RNF216: variants seen among roughly 807,000 people sequenced by gnomAD.
RNF216 encodes E3 ubiquitin-protein ligase RNF216.
Under a neutral mutation model 110.8 loss-of-function variants are expected in RNF216, and 72 were observed. That is an observed-to-expected ratio of 0.65 (90% CI 0.54 to 0.79). The LOEUF (loss-of-function observed/expected upper bound fraction) is 0.79, where lower values mean the gene tolerates loss of function less well. RNF216 is among the 30% of genes least tolerant of loss of function. The pLI is 0.00. For missense variants in RNF216, 1,342 were observed against 1,141.2 expected (o/e 1.18, Z -2.54); for synonymous variants, 495 against 407.5 (o/e 1.21, Z -2.59).
At chr7:5,728,763 C>A (rs1308247150) in intron 7 of RNF216, among the ~76,000 whole-genome samples, 2 of 152,136 alleles carry the variant, frequency 1.3e-5, no homozygotes, top group Non-Finnish European at 2.9e-5. Context: ...TGCTGAGAAT[C>A]ACAAGAATTT....
At chr7:5,654,287 A>C (rs1788592550) in intron 13 of RNF216, among the ~76,000 whole-genome samples, 1 of 152,066 alleles carries the variant, frequency 6.6e-6, no homozygotes, top group African/African-American at 2.4e-5. Flanking sequence ...TTTATACTAT[A>C]TGTGTACTAT....
chr7:5,632,249 G>C (rs765163007), intron 15 of RNF216, among the ~76,000 whole-genome samples: 3 of 152,246 alleles, frequency 2.0e-5, no homozygotes, highest in Non-Finnish European at 2.9e-5. Flanking sequence ...ACAGATCCAT[G>C]ACAGACCATG....
intron 15 of RNF216, among the ~76,000 whole-genome samples, chr7:5,635,709 G>A (rs2128562510): frequency 6.6e-6 from 1 of 152,314 alleles, no homozygotes; most frequent in East Asian, 1.9e-4. Context: ...GGAAACCCAG[G>A]CTACCATTTA....
At chr7:5,686,272 C>G (rs372706082) in intron 13 of RNF216, among the ~76,000 whole-genome samples, 2 of 148,426 alleles carry the variant, frequency 1.3e-5, no homozygotes. Flanking sequence ...TCCAAACTCT[C>G]AAGAACACCA....
At chr7:5,642,245 C>T (rs1216383715) in intron 14 of RNF216, among the ~76,000 whole-genome samples, 7 of 150,156 alleles carry the variant, frequency 4.7e-5, no homozygotes, top group Non-Finnish European at 7.4e-5. Flanking sequence ...CAGAGTCTTG[C>T]TCTGTCACCT....
intron 5 of RNF216, among the ~76,000 whole-genome samples, chr7:5,732,760 C>G (rs1350664689): frequency 6.6e-6 from 1 of 152,208 alleles, no homozygotes; most frequent in African/African-American, 2.4e-5. Flanking sequence ...AGTGGGGAAG[C>G]CTGTCGGACT....
chr7:5,748,902 G>A (rs1355234952), intron 3 of RNF216, among the ~76,000 whole-genome samples: 1 of 152,038 alleles, frequency 6.6e-6, no homozygotes, highest in Non-Finnish European at 1.5e-5. Flanking sequence ...GAATTTTAAC[G>A]AAGGCTATAA....
intron 2 of RNF216, among the ~76,000 whole-genome samples, chr7:5,755,294 G>C (rs1795576536): frequency 6.6e-6 from 1 of 152,046 alleles, no homozygotes; most frequent in Non-Finnish European, 1.5e-5. Flanking sequence ...ATAAAGTCCA[G>C]TGTTTGACAA....
chr7:5,770,677 A>C (rs756536259), intron 1 of RNF216, among the ~76,000 whole-genome samples: 3 of 152,174 alleles, frequency 2.0e-5, no homozygotes, highest in African/African-American at 7.2e-5. Flanking sequence ...CAAAGCATTC[A>C]TGGAGAAAAA....
At chr7:5,742,595 T>C (rs1409308754) in intron 3 of RNF216, among the ~76,000 whole-genome samples, 3 of 130,800 alleles carry the variant, frequency 2.3e-5, no homozygotes, top group African/African-American at 9.5e-5. Flanking sequence ...TCTTTTTTTT[T>C]TTTTTTTTTT....
chr7:5,689,376 A>AG (rs1304216388), intron 13 of RNF216, among the ~76,000 whole-genome samples: 7 of 151,802 alleles, frequency 4.6e-5, no homozygotes, highest in Non-Finnish European at 1.0e-4. Context: ...AAAAAAAAAA[A>AG]AAAGAAAGAA....
intron 13 of RNF216, among the ~76,000 whole-genome samples, chr7:5,682,834 C>T (rs1790746958): frequency 6.6e-6 from 1 of 152,110 alleles, no homozygotes; most frequent in South Asian, 2.1e-4. Context: ...ATCAAGAGTC[C>T]TACTCTAGGG....
At position 5,622,994 on chromosome 7, in the gene RNF216, T is replaced by C. The variant is rs757045404; in HGVS notation, c.2638A>G (p.Met880Val). 1.9e-6 allele frequency: 3 copies of C among 1,613,910 alleles called. No homozygotes were observed. The highest frequency in any genetic ancestry group is 2.5e-6 in the Non-Finnish European group (3 of 1,179,956). Residue 880 changes from methionine to valine, a missense_variant, in exon 17 of 17, where the codon ATG (methionine) becomes GTG (valine). Physicochemically the swap from Met to Val is conservative, Grantham distance 21. Coordinates refer to ENST00000389902, the MANE Select transcript of RNF216 (RefSeq NM_207111.4). ...RPVFNNFPLN[M>V]GPIPAPYVPP... The stretch of plus-strand genomic sequence containing the variant: ...ACGTACGGGGCTGGGATAGGCCCCA[T>C]GTTGAGTGGGAAGTTGTTGAACACA...
At chr7:5,644,433 G>A (rs931177903) in intron 14 of RNF216, among the ~76,000 whole-genome samples, 6 of 152,260 alleles carry the variant, frequency 3.9e-5, no homozygotes, top group African/African-American at 1.2e-4. Flanking sequence ...AATGACTAAT[G>A]ACGTTCAGCA....
At chr7:5,726,832 T>C (rs1210791129) in intron 7 of RNF216, among the ~76,000 whole-genome samples, 2 of 149,514 alleles carry the variant, frequency 1.3e-5, no homozygotes, top group East Asian at 3.9e-4. Context: ...CACTCCAGCC[T>C]AGGCGACAGA....
chr7:5,645,773 T>C (rs1788013807), intron 14 of RNF216, among the ~76,000 whole-genome samples: 2 of 152,102 alleles, frequency 1.3e-5, no homozygotes, highest in South Asian at 4.2e-4. Context: ...GTGTTTTTAG[T>C]AGAGAAAGGT....
intron 5 of RNF216, among the ~76,000 whole-genome samples, chr7:5,737,981 A>G (rs1237801654): frequency 6.6e-6 from 1 of 151,408 alleles, no homozygotes. Flanking sequence ...CCAGCTACTC[A>G]GGAGACTGAG....
In RNF216 at chr7:5,772,841, G is replaced by A. The variant is rs144208347; in HGVS notation, c.-70+8700C>T. On this transcript the variant is annotated intron_variant, in intron 1 of 16. Transcript: ENST00000389902. ...CATCCAGGCTAGAGTGCAATGGCACGATCTCGGCTCACTGCAACCCTCTGC... is the reference window on the plus strand; with the variant it reads ...CATCCAGGCTAGAGTGCAATGGCACAATCTCGGCTCACTGCAACCCTCTGC... 4.9e-3 allele frequency among the ~76,000 whole-genome samples: 716 copies of A among 147,224 alleles called. 8 individuals carry two copies. The highest frequency in any genetic ancestry group is 0.015 in the African/African-American group (577 of 39,734).
chr7:5,715,550 T>C lies in RNF216; in HGVS notation c.1696-360A>G, dbSNP rs75165128. On this transcript the variant is annotated intron_variant, in intron 10 of 16. Coordinates refer to ENST00000389902, the MANE Select transcript of RNF216 (RefSeq NM_207111.4). ...GCAAGGATAAGGAGTATGAGAGATG[T>C]TACCCAAAAAACTTTCAAAAGTTGA... Among the ~76,000 whole-genome samples the C allele has an allele frequency of 3.4e-3, 520 of 152,032 alleles. 2 individuals are homozygous for C. The highest frequency in any genetic ancestry group is 0.012 in the African/African-American group (485 of 41,456).
Sources: gnomAD v4.1 joint callset for allele counts (sites outside exome capture counted in the v4.1 genomes callset) on GRCh38, gnomAD v4.1.1 for gene constraint, MANE v1.5 for transcripts, NCBI Gene and HGNC (gene_info 2026-07-23, HGNC 2026-07-21) for gene names.